Variants in PGLYRP2 observed in about 807,000 individuals in gnomAD.
PGLYRP2 encodes the protein peptidoglycan recognition protein 2.
PGLYRP2 carries 38 observed loss-of-function variants against 46.2 expected under a neutral mutation model. The observed-to-expected ratio is 0.82, with a 90% CI of 0.64 to 1.08. PGLYRP2 has a LOEUF of 1.08. PGLYRP2 is among the 50% of genes least tolerant of loss of function. The pLI, the probability that PGLYRP2 is intolerant of heterozygous loss-of-function variation, is 0.00. For missense variants in PGLYRP2, 713 were observed against 755.9 expected (o/e 0.94, Z 0.67); for synonymous variants, 289 against 329.4 (o/e 0.88, Z 1.33).
chr19:15,472,666 G>A (rs539999728), intron 2 of PGLYRP2, among the ~76,000 whole-genome samples: 2 of 152,266 alleles, frequency 1.3e-5, no homozygotes, highest in Admixed American at 6.5e-5. Flanking sequence ...TTTGGGAGGC[G>A]AGGTGGGTGG....
At chr19:15,471,859 C>T in intron 3 of PGLYRP2, 31 bp downstream of exon 3, 1 of 1,603,112 alleles carries the variant, frequency 6.2e-7, no homozygotes, top group Non-Finnish European at 8.5e-7. Flanking sequence ...GAACGTGGGC[C>T]CCGCCCCCTC....
chr19:15,473,929 A>G (rs1209353205), intron 2 of PGLYRP2, among the ~76,000 whole-genome samples: 1 of 152,244 alleles, frequency 6.6e-6, no homozygotes, highest in Non-Finnish European at 1.5e-5. Context: ...AAAAGAAGAT[A>G]TACACATGGC....
rs544043769 is a variant in PGLYRP2, at chr19:15,477,518, C to T, written c.62-910G>A. Among the ~76,000 whole-genome samples, 280 of 150,770 alleles carry T rather than the reference C, an allele frequency of 1.9e-3. 1 individual carries two copies. The highest frequency in any genetic ancestry group is 3.5e-3 in the Non-Finnish European group (237 of 67,802). On this transcript the variant is annotated intron_variant, in intron 1 of 4. Transcript: ENST00000340880. ...CTCAGGACCAGCCGGATCAACATGG[C>T]GAGACTCCGTCACTACTAAAAATAC...
intron 2 of PGLYRP2, among the ~76,000 whole-genome samples, chr19:15,473,483 A>G (rs1179191761): frequency 2.0e-4 from 22 of 108,880 alleles, no homozygotes; most frequent in African/African-American, 1.0e-3. Context: ...AAAAAAAAAA[A>G]AAAAAAAAAA....
rs781389598 is a variant in PGLYRP2 at position 15,471,845 on chromosome 19, C to A, written c.1343+45G>T. 15 of 1,590,682 alleles carry A rather than the reference C, an allele frequency of 9.4e-6. No homozygotes were observed. The Admixed American group carries it at 2.6e-4, about 28-fold the overall frequency. The stretch of plus-strand genomic sequence containing the variant: ...CAGGCTCCGCCCACTCAGACCCCAT[C>A]CCCGAACGTGGGCCCCGCCCCCTCC... On this transcript the variant is annotated intron_variant, in intron 3 of 4. Coordinates refer to ENST00000340880, the MANE Select transcript of PGLYRP2 (RefSeq NM_052890.4).
intron 4 of PGLYRP2, 82 bp from the exon 5 acceptor site, chr19:15,468,834 G>T: frequency 9.2e-7 from 1 of 1,091,946 alleles, no homozygotes; most frequent in Non-Finnish European, 1.3e-6. Context: ...TGGAACCCTG[G>T]ATCAGGGAGG....
In PGLYRP2 at chr19:15,478,626, CTT is replaced by C. The variant is rs1262985312; in HGVS notation, c.61+683_61+684del. The stretch of plus-strand genomic sequence containing the variant: ...AGGAAGTGGCAGAGGCAGGATTTGC[CTT>C]TGTTTTTTTTTTTTTTTTTTGAGAC... On this transcript the variant is annotated intron_variant, in intron 1 of 4. Coordinates refer to ENST00000340880, the MANE Select transcript of PGLYRP2 (RefSeq NM_052890.4). 2.0e-5 allele frequency among the ~76,000 whole-genome samples: 3 copies of C among 147,602 alleles called. No homozygotes were observed. The South Asian group carries it at 6.5e-4, about 32-fold the overall frequency.
rs1970721034 is a variant in PGLYRP2 at position 15,469,376 on chromosome 19, TG to T, written c.1641+255del. The T allele has an allele frequency of 2.9e-6, 2 of 699,904 alleles. No individual in the cohort carries two copies. Among genetic ancestry groups the T allele is most frequent in the Non-Finnish European group, 5.2e-6 (2 of 384,962 alleles). 43.4% of individuals were successfully genotyped at this position (699,904 alleles called of 1,614,324 possible). ...CTGGAAAGGTAGAGGTATTAGGAGC[TG>T]GGGAAAGGACAGGCTGGCTGGGTCT... On this transcript the variant is annotated intron_variant, in intron 4 of 4. Coordinates refer to ENST00000340880, the MANE Select transcript of PGLYRP2 (RefSeq NM_052890.4). The surrounding 1 kb of genome is among the most constrained non-coding windows in gnomAD (Gnocchi z 4.9).
Position 15,476,336 on chromosome 19 carries a change from G to A in PGLYRP2, c.334C>T (p.Leu112=). 1 of 1,614,174 alleles carries A rather than the reference G, an allele frequency of 6.2e-7. No homozygotes were observed. The highest frequency in any genetic ancestry group is 8.5e-7 in the Non-Finnish European group (1 of 1,180,040). The stretch of plus-strand genomic sequence containing the variant: ...GCCACGGTCGAGCCATCAGGTGCCA[G>A]CACCACCCCATATTCCTTCCCTTCT... ...VREGKEYGVV[L]APDGSTVAVE... Residue 112 remains leucine (L), a synonymous_variant, in exon 2 of 5, where the codon CTG becomes TTG. Transcript: ENST00000340880.
chr19:15,469,100 G>C lies in PGLYRP2; in HGVS notation c.1642-348C>G, dbSNP rs1272312925. On this transcript the variant is annotated intron_variant, in intron 4 of 4. Coordinates refer to ENST00000340880, the MANE Select transcript of PGLYRP2 (RefSeq NM_052890.4). This position sits in a 1 kb window ranked among gnomAD's most constrained non-coding sequence, Gnocchi z 4.9. Reference sequence around the variant, plus strand: ...AACAAGCAACCTCAGAGTTGAGATTGTCTGGACAGAGAATTGCAACACAGG... The same window carrying C: ...AACAAGCAACCTCAGAGTTGAGATTCTCTGGACAGAGAATTGCAACACAGG... 3.8e-6 allele frequency: 2 copies of C among 530,170 alleles called. No individual in the cohort carries two copies. The highest frequency in any genetic ancestry group is 3.1e-5 in the East Asian group (1 of 32,688). The allele number at this position is 530,170 out of a possible 1,614,324, so 32.8% of individuals were successfully genotyped here. A position where few individuals can be genotyped will look rare whatever the true frequency, so the allele number is the denominator to read the frequency against.
At chr19:15,475,362 T>A (rs1414372910) in intron 2 of PGLYRP2, among the ~76,000 whole-genome samples, 176 bp downstream of exon 2, 1 of 152,152 alleles carries the variant, frequency 6.6e-6, no homozygotes, top group Non-Finnish European at 1.5e-5. Context: ...CTCCTATTCA[T>A]CCTTCAAGGC....
chr19:15,478,215 C>A (rs1016857572), intron 1 of PGLYRP2, among the ~76,000 whole-genome samples: 4 of 152,038 alleles, frequency 2.6e-5, no homozygotes, highest in African/African-American at 9.7e-5. Flanking sequence ...GGTGCGGTGG[C>A]GGGCACCTGT....
chr19:15,472,248 G>A, intron 2 of PGLYRP2, 148 bp from the exon 3 acceptor site: 2 of 647,970 alleles, frequency 3.1e-6, no homozygotes, highest in East Asian at 2.7e-5. Flanking sequence ...TCCTCCCTGG[G>A]GACCAACTAA....
At chr19:15,473,844 G>GAAAGAAAGAAAGAA (rs893003481) in intron 2 of PGLYRP2, among the ~76,000 whole-genome samples, 19 of 146,652 alleles carry the variant, frequency 1.3e-4, no homozygotes, top group Non-Finnish European at 6.0e-5. Flanking sequence ...GAAAGAAAAA[G>GAAAGAAAGAAAGAA]AAAGAAAGAA....
rs138261257 is a variant in PGLYRP2 at position 15,475,792 on chromosome 19, C to T, written c.878G>A (p.Arg293Gln). The T allele has an allele frequency of 9.5e-5, 154 of 1,614,066 alleles. 1 individual carries two copies. The highest frequency in any genetic ancestry group is 8.3e-4 in the South Asian group (76 of 91,076). The change falls in exon 2 of 5, where the codon CGG becomes CAG. Residue 293 changes from arginine (R) to glutamine (Q), a missense_variant. Physicochemically the swap from Arg to Gln is conservative, Grantham distance 43 (BLOSUM62 1). Transcript: ENST00000340880. ...GDYLSRTPEP[R>Q]PSLSHLLSQY... ...GCTCAGCAAGTGGCTGAGGGATGGC[C>T]GGGGCTCAGGAGTCCGGCTCAGGTA...
chr19:15,469,590 G>T lies in PGLYRP2; in HGVS notation c.1641+42C>A. 1.9e-6 allele frequency: 3 copies of T among 1,558,226 alleles called. No individual in the cohort carries two copies. Among genetic ancestry groups the T allele is most frequent in the Non-Finnish European group, 2.6e-6 (3 of 1,159,302 alleles). On this transcript the variant is annotated intron_variant, in intron 4 of 4. Coordinates refer to ENST00000340880, the MANE Select transcript of PGLYRP2 (RefSeq NM_052890.4). This position sits in a 1 kb window ranked among gnomAD's most constrained non-coding sequence, Gnocchi z 4.9. Reference sequence around the variant, plus strand: ...GGGGCCTCGTGGAGCTTGTGTAGACGGAGGGGCGGCGGGCCGTGTAGTGCA... The same window carrying T: ...GGGGCCTCGTGGAGCTTGTGTAGACTGAGGGGCGGCGGGCCGTGTAGTGCA...
chr19:15,468,953 G>C, intron 4 of PGLYRP2: 1 of 532,774 alleles, frequency 1.9e-6, no homozygotes, highest in Non-Finnish European at 3.4e-6. Context: ...GGTAGCACGA[G>C]ATTGTCCAGG....
intron 3 of PGLYRP2, among the ~76,000 whole-genome samples, chr19:15,470,287 T>C (rs917509234): frequency 7.3e-6 from 1 of 136,226 alleles, no homozygotes; most frequent in African/African-American, 2.9e-5. Context: ...CTTCCTTCCT[T>C]CCTTCCTTCT....
intron 3 of PGLYRP2, among the ~76,000 whole-genome samples, chr19:15,470,236 T>TTTTTC (rs1555722724): frequency 3.3e-5 from 4 of 119,440 alleles, no homozygotes; most frequent in Admixed American, 8.7e-5. Context: ...TTTGGGTTTT[T>TTTTTC]TTTCTTTCCT....
Sources: allele counts gnomAD v4.1 joint callset (sites outside exome capture counted in the v4.1 genomes callset), GRCh38; gene constraint gnomAD v4.1.1; non-coding constraint Gnocchi (gnomAD v3.1); transcripts MANE v1.5; gene names NCBI Gene and HGNC (gene_info 2026-07-23, HGNC 2026-07-21).